PROX2: variants seen among roughly 807,000 people sequenced by gnomAD.
PROX2 encodes prospero homeobox protein 2.
In PROX2, 46 loss-of-function variants were observed where a neutral mutation model predicts 48.9. That is an observed-to-expected ratio of 0.94 (90% CI 0.74 to 1.20). The LOEUF (loss-of-function observed/expected upper bound fraction) is 1.20. Among genes scored for constraint, PROX2 ranks in the 50% most tolerant of loss-of-function variants. PROX2 has a pLI of 0.00. For synonymous variants in PROX2, 260 were observed against 276.6 expected (o/e 0.94, Z 0.60); for missense variants, 663 against 719.4 (o/e 0.92, Z 0.90).
intron 2 of PROX2, among the ~76,000 whole-genome samples, chr14:74,869,543 G>T (rs1883160719): frequency 6.6e-6 from 1 of 152,118 alleles, no homozygotes; most frequent in South Asian, 2.1e-4. Context: ...CTCCCAAAGT[G>T]CTGGGATTAC....
At chr14:74,855,368 C>A in intron 5 of PROX2, 66 bp from the exon 6 acceptor site, 1 of 1,346,256 alleles carries the variant, frequency 7.4e-7, no homozygotes, top group Non-Finnish European at 1.0e-6. Context: ...GTGCCAGAGC[C>A]CTCACTAGCG....
intron 4 of PROX2, chr14:74,857,769 T>A: frequency 1.1e-5 from 1 of 90,748 alleles, no homozygotes; most frequent in East Asian, 3.2e-4. Context: ...TTTTTGTGTG[T>A]TTTTTTTTTT....
intron 4 of PROX2, chr14:74,857,840 T>C (rs1415963692): frequency 1.3e-5 from 2 of 151,780 alleles, no homozygotes; most frequent in African/African-American, 4.8e-5. Context: ...CTCTGTTCAC[T>C]GCAACATCCA....
chr14:74,874,970 A>C (rs549178813), intron 1 of PROX2, among the ~76,000 whole-genome samples: 14 of 151,788 alleles, frequency 9.2e-5, no homozygotes, highest in African/African-American at 3.4e-4. Context: ...CATGGTGAAA[A>C]CCTGTCTCTA....
rs751325893 is a variant in PROX2 at position 74,863,510 on chromosome 14, G to A, written c.325C>T (p.Pro109Ser). ...GGCATCAGGAGGCCTTGCGGTGTGG[G>A]AAGGTTCTGCTTCCTCTTCCTCTCT... ...ARERKRKQNL[P>S]TPQGLLMPAP... is the part of the protein sequence containing the mutation. Residue 109 changes from proline (P) to serine (S), a missense_variant, in exon 3 of 6, where the codon CCC (proline) becomes TCC (serine). Physicochemically the swap from Pro to Ser is moderately conservative, Grantham distance 74. Transcript: ENST00000556489. 2.1e-5 allele frequency: 34 copies of A among 1,613,506 alleles called. 1 individual carries two copies. In the South Asian group the frequency reaches 3.3e-4, roughly 16 times the overall value.
Position 74,862,526 on chromosome 14 carries a change from A to T in PROX2, c.1305+4T>A, listed in dbSNP as rs370064518. ...TGAGAACTTCAATTGCTATTAAAGG[A>T]TATGTGGACCAAAGAGAAAGGCAGT... On this transcript the variant is annotated splice_donor_region_variant and intron_variant, in intron 3 of 5. Coordinates refer to ENST00000556489, the MANE Select transcript of PROX2 (RefSeq NM_001243007.2). 6.8e-6 allele frequency: 11 copies of T among 1,610,098 alleles called. No homozygotes were observed. The African/African-American group carries it at 1.5e-4, about 22-fold the overall frequency.
chr14:74,867,738 T>C, intron 2 of PROX2, among the ~76,000 whole-genome samples: 1 of 152,192 alleles, frequency 6.6e-6, no homozygotes, highest in South Asian at 2.1e-4. Context: ...CTGCTGAATC[T>C]CCCTTGTGGG....
intron 1 of PROX2, chr14:74,874,151 C>A (rs1166388807): frequency 2.0e-6 from 1 of 512,328 alleles, no homozygotes; most frequent in African/African-American, 2.0e-5. Context: ...ATATTCTTTA[C>A]ACAAATCCTC....
chr14:74,869,184 G>A (rs1018387539), intron 2 of PROX2, among the ~76,000 whole-genome samples: 1 of 152,142 alleles, frequency 6.6e-6, no homozygotes, highest in South Asian at 2.1e-4. Context: ...CAAAGGCTGA[G>A]ACTACGTTAA....
rs888272692 is a variant in PROX2 at position 74,854,280 on chromosome 14, C to A, written c.*852G>T. On this transcript the variant is annotated 3_prime_UTR_variant, in exon 6 of 6. Coordinates refer to ENST00000556489, the MANE Select transcript of PROX2 (RefSeq NM_001243007.2). ...ACAAATGTGAATAAACAGCAACACTCAAGTCCTGCATAAAGTTTGTCTTGA... is the reference window on the plus strand; with the variant it reads ...ACAAATGTGAATAAACAGCAACACTAAAGTCCTGCATAAAGTTTGTCTTGA... 3 of 475,328 alleles carry A rather than the reference C, an allele frequency of 6.3e-6. No individual in the cohort carries two copies. The highest frequency in any genetic ancestry group is 2.2e-5 in the Admixed American group (1 of 44,758). The allele number at this position is 475,328 out of a possible 1,614,324, so 29.4% of individuals were successfully genotyped here.
At chr14:74,858,064 T>A in intron 4 of PROX2, 1 of 184,822 alleles carries the variant, frequency 5.4e-6, no homozygotes, top group East Asian at 1.3e-4. Context: ...GCCTGGCCTA[T>A]ATTTTATTTT....
chr14:74,875,989 C>T lies in PROX2; in HGVS notation c.-404G>A, dbSNP rs1007188178. ...ACGGAGCAGCCCACTCTTCACCAGC[C>T]CTGGGCAGACAGAGCCATGGTCAGG... On this transcript the variant is annotated 5_prime_UTR_variant, in exon 1 of 6. Coordinates refer to ENST00000556489, the MANE Select transcript of PROX2 (RefSeq NM_001243007.2). Among the ~76,000 whole-genome samples, 3 of 152,224 alleles carry T rather than the reference C, an allele frequency of 2.0e-5. No homozygotes were observed. The highest frequency in any genetic ancestry group is 2.9e-5 in the Non-Finnish European group (2 of 68,036).
In PROX2 at chr14:74,858,437, G is replaced by A; in HGVS notation, c.1383C>T (p.Asn461=). Residue 461 remains asparagine (N), a synonymous_variant, in exon 4 of 6, where the codon AAC becomes AAT. Coordinates refer to ENST00000556489, the MANE Select transcript of PROX2 (RefSeq NM_001243007.2). The stretch of plus-strand genomic sequence containing the variant: ...CATCAGGAAAATAAACCTTCAGGAG[G>A]TTGGAGCTGGGATATCGTGTGAAGA... ...MFFFTRYPSS[N]LLKVYFPDVQ... 3 of 1,582,576 alleles carry A rather than the reference G, an allele frequency of 1.9e-6. No homozygotes were observed. Among genetic ancestry groups the A allele is most frequent in the Non-Finnish European group, 2.6e-6 (3 of 1,162,788 alleles).
chr14:74,856,762 A>C (rs185911110), intron 5 of PROX2, 39 bp downstream of exon 5: 6 of 1,542,086 alleles, frequency 3.9e-6, no homozygotes, highest in Non-Finnish European at 5.4e-6. Context: ...TAGGGAAGAC[A>C]CTCATCAGAT....
In PROX2 at chr14:74,863,745, G is replaced by A. The variant is rs751793935; in HGVS notation, c.90C>T (p.Ser30=). Residue 30 remains serine, a synonymous_variant, in exon 3 of 6, where the codon TCC becomes TCT. Transcript: ENST00000556489. Reference sequence around the variant, plus strand: ...GGGAGTCTCTATCCAGCTCTGGAGGGGATGAGCTTCTCTCGCCTTCCGTAC... The same window carrying A: ...GGGAGTCTCTATCCAGCTCTGGAGGAGATGAGCTTCTCTCGCCTTCCGTAC... ...EACTEGERSS[S]PPELDRDSPF... 6.5e-7 allele frequency: 1 copy of A among 1,528,968 alleles called. No individual in the cohort carries two copies. The highest frequency in any genetic ancestry group is 8.8e-7 in the Non-Finnish European group (1 of 1,142,750). The allele number at this position is 1,528,968 out of a possible 1,614,324, so 94.7% of individuals were successfully genotyped here. A position where few individuals can be genotyped will look rare whatever the true frequency, so the allele number is the denominator to read the frequency against.
intron 3 of PROX2, chr14:74,861,346 G>A: frequency 1.5e-6 from 1 of 660,108 alleles, no homozygotes; most frequent in Non-Finnish European, 2.5e-6. Context: ...AGTTCTGCAA[G>A]ATGCTTGTTA....
intron 2 of PROX2, chr14:74,865,201 A>G (rs1883022903): frequency 6.6e-6 from 1 of 152,126 alleles, no homozygotes; most frequent in South Asian, 2.1e-4. Flanking sequence ...TCTTGGAAAA[A>G]TCAGATTACG....
chr14:74,863,959 AGGATTCAGATTCTG>A lies in PROX2; in HGVS notation c.-139_-126del. 1 of 1,221,320 alleles carries A rather than the reference AGGATTCAGATTCTG, an allele frequency of 8.2e-7. No individual in the cohort carries two copies. The highest frequency in any genetic ancestry group is 1.0e-6 in the Non-Finnish European group (1 of 959,106). 75.7% of individuals were successfully genotyped at this position (1,221,320 alleles called of 1,614,324 possible). A position where few individuals can be genotyped will look rare whatever the true frequency, so the allele number is the denominator to read the frequency against. The stretch of plus-strand genomic sequence containing the variant: ...GGTAAAGAGCCACTGTCACTGAGGA[AGGATTCAGATTCTG>A]GGATGCCAGGGCTCATGAACCTCCT... On this transcript the variant is annotated 5_prime_UTR_variant, in exon 3 of 6. The change creates a premature stop within an existing upstream ORF in the 5' untranslated region. Transcript: ENST00000556489.
chr14:74,869,065 C>T (rs1340205457), intron 2 of PROX2, among the ~76,000 whole-genome samples: 1 of 152,082 alleles, frequency 6.6e-6, no homozygotes, highest in Non-Finnish European at 1.5e-5. Flanking sequence ...GTTCCTGGCA[C>T]TTACTTATTG....
Sources: allele counts gnomAD v4.1 joint callset (sites outside exome capture counted in the v4.1 genomes callset), GRCh38; gene constraint gnomAD v4.1.1; transcripts MANE v1.5; gene names NCBI Gene and HGNC (gene_info 2026-07-23, HGNC 2026-07-21).